GRAMD1B: variants seen among roughly 807,000 people sequenced by gnomAD.
The protein encoded by GRAMD1B is GRAM domain containing 1B, also known as protein Aster-B.
Under a neutral mutation model 99.7 loss-of-function variants are expected in GRAMD1B, and 37 were observed. The observed-to-expected ratio is 0.37, with a 90% CI of 0.29 to 0.49. GRAMD1B has a LOEUF of 0.49. GRAMD1B is among the 20% of genes least tolerant of loss of function. The probability of loss-of-function intolerance (pLI) is 0.98; values close to 1 mark genes in which losing one functional copy is unlikely to be tolerated. For missense variants in GRAMD1B, 888 were observed against 1,009.2 expected (o/e 0.88, Z 1.63); for synonymous variants, 427 against 387.6 (o/e 1.10, Z -1.19).
Position 123,383,478 on chromosome 11 carries a change from A to G in GRAMD1B, c.-176+24679A>G, listed in dbSNP as rs1298402391. Among the ~76,000 whole-genome samples, 5 of 152,196 alleles carry G rather than the reference A, an allele frequency of 3.3e-5. No homozygotes were observed. In the East Asian group the frequency reaches 9.6e-4, roughly 29 times the overall value. The stretch of plus-strand genomic sequence containing the variant: ...CTTGCAAGGTTGATATAAGAATTAA[A>G]GACTATGTATCTTTATCTGTGTCAG... On this transcript the variant is annotated intron_variant, in intron 1 of 20. Coordinates refer to the GRAMD1B transcript ENST00000638157.
intron 2 of GRAMD1B, among the ~76,000 whole-genome samples, chr11:123,497,145 A>G (rs2135112982): frequency 6.6e-6 from 1 of 152,320 alleles, no homozygotes; most frequent in East Asian, 1.9e-4. Flanking sequence ...CCCAAACCAA[A>G]TAATGTTGTG....
At chr11:123,550,231 T>C (rs1401190104) in intron 2 of GRAMD1B, among the ~76,000 whole-genome samples, 4 of 152,214 alleles carry the variant, frequency 2.6e-5, no homozygotes, top group African/African-American at 9.6e-5. Flanking sequence ...CTCCTGGGTC[T>C]TGTGTCCTGA....
intron 2 of GRAMD1B, among the ~76,000 whole-genome samples, chr11:123,516,420 C>T (rs1416684912): frequency 2.0e-5 from 3 of 152,204 alleles, no homozygotes; most frequent in Non-Finnish European, 2.9e-5. Flanking sequence ...TGTTTAAAGT[C>T]GAACTCATTA....
chr11:123,363,494 C>T (rs1946214161), intron 1 of GRAMD1B, among the ~76,000 whole-genome samples: 1 of 152,136 alleles, frequency 6.6e-6, no homozygotes, highest in South Asian at 2.1e-4. Flanking sequence ...GGCTTTTGGG[C>T]TTGTTAGTAG....
chr11:123,563,533 G>A (rs1565378514), intron 2 of GRAMD1B, among the ~76,000 whole-genome samples: 1 of 150,028 alleles, frequency 6.7e-6, no homozygotes, highest in Non-Finnish European at 1.5e-5. Flanking sequence ...TTTTTTTGAG[G>A]CAAGGCCTCA....
chr11:123,365,285 A>C (rs1946280684), intron 1 of GRAMD1B, among the ~76,000 whole-genome samples: 1 of 150,340 alleles, frequency 6.7e-6, no homozygotes, highest in Admixed American at 6.6e-5. Context: ...AGCGTCTCAC[A>C]CCGTTGCCCA....
chr11:123,513,515 T>TTTCCTTCCTTCCTTCC (rs58960047), intron 2 of GRAMD1B, among the ~76,000 whole-genome samples: 8 of 144,954 alleles, frequency 5.5e-5, no homozygotes, highest in African/African-American at 2.2e-4. Flanking sequence ...TCTTTCTTTC[T>TTTCCTTCCTTCCTTCC]TTCCTTCCTT....
chr11:123,539,119 G>T (rs1051276928), intron 2 of GRAMD1B, among the ~76,000 whole-genome samples: 5 of 152,086 alleles, frequency 3.3e-5, no homozygotes, highest in Non-Finnish European at 5.9e-5. Context: ...CAGCTACTCG[G>T]CAGGCCAAGG....
chr11:123,391,700 C>T (rs1947287297), intron 1 of GRAMD1B, among the ~76,000 whole-genome samples: 1 of 152,190 alleles, frequency 6.6e-6, no homozygotes, highest in Non-Finnish European at 1.5e-5. Context: ...AATTGATCCG[C>T]CCACCTTGGC....
chr11:123,421,495 T>C (rs1237905803), intron 1 of GRAMD1B, among the ~76,000 whole-genome samples: 1 of 152,266 alleles, frequency 6.6e-6, no homozygotes, highest in Non-Finnish European at 1.5e-5. Flanking sequence ...TTTGTGATCT[T>C]GGTCTAAGAT....
At chr11:123,600,155 C>A (rs1951774336) in intron 7 of GRAMD1B, among the ~76,000 whole-genome samples, 1 of 152,186 alleles carries the variant, frequency 6.6e-6, no homozygotes, top group Admixed American at 6.5e-5. Context: ...TCACCCCTTA[C>A]CCAGTTCCAG....
intron 2 of GRAMD1B, among the ~76,000 whole-genome samples, chr11:123,517,003 T>G (rs1030237087): frequency 1.3e-5 from 2 of 152,222 alleles, no homozygotes; most frequent in African/African-American, 4.8e-5. Flanking sequence ...CACTGCACCC[T>G]CCACCTTCTG....
chr11:123,574,450 CTATT>C (rs1948498411), intron 2 of GRAMD1B, among the ~76,000 whole-genome samples: 2 of 152,156 alleles, frequency 1.3e-5, no homozygotes, highest in South Asian at 4.2e-4. Context: ...ACTCAACTGG[CTATT>C]TATTGGAAGA....
intron 2 of GRAMD1B, among the ~76,000 whole-genome samples, chr11:123,526,504 C>T (rs1016736660): frequency 2.0e-5 from 3 of 152,152 alleles, no homozygotes; most frequent in Non-Finnish European, 2.9e-5. Flanking sequence ...AAAGAAACAT[C>T]CCTTCCCTTT....
Position 123,497,836 on chromosome 11 carries a change from G to T in GRAMD1B, c.452+16943G>T, listed in dbSNP as rs541370562. On this transcript the variant is annotated intron_variant, in intron 2 of 19. Coordinates refer to ENST00000635736, the MANE Select transcript of GRAMD1B (RefSeq NM_001387025.1). ...GAATCGCTTGAACCCGGGAGGCAGA[G>T]GTTGCAGTGAGCCAAGATTTCGCCA... is the stretch of plus-strand genomic sequence containing the variant. Among the ~76,000 whole-genome samples, 333 of 150,486 alleles carry T rather than the reference G, an allele frequency of 2.2e-3. 2 individuals are homozygous for T. Among genetic ancestry groups the T allele is most frequent in the African/African-American group, 7.0e-3 (286 of 40,760 alleles).
intron 1 of GRAMD1B, among the ~76,000 whole-genome samples, chr11:123,379,003 T>C (rs1946782774): frequency 6.6e-6 from 1 of 152,118 alleles, no homozygotes; most frequent in South Asian, 2.1e-4. Flanking sequence ...GCAGGGCATG[T>C]GGAGTTGTAC....
intron 8 of GRAMD1B, among the ~76,000 whole-genome samples, chr11:123,603,119 A>G (rs974593560): frequency 2.6e-5 from 4 of 152,202 alleles, no homozygotes; most frequent in African/African-American, 9.6e-5. Context: ...GACCTTTTCC[A>G]TAAGAGCAAA....
chr11:123,622,562 G>A lies in GRAMD1B; in HGVS notation c.2601G>A (p.Ser867=), dbSNP rs770731981. The A allele has an allele frequency of 1.5e-5, 23 of 1,556,942 alleles. 1 individual carries two copies. Among genetic ancestry groups the A allele is most frequent in the African/African-American group, 6.8e-5 (5 of 73,158 alleles). The change falls in exon 20 of 20, where the codon TCG becomes TCA. Residue 867 remains serine (S), a synonymous_variant. Coordinates refer to ENST00000635736, the MANE Select transcript of GRAMD1B (RefSeq NM_001387025.1). The part of the protein sequence containing the change: ...QNGIRSRDYT[S]ESEEKRNRYH ...GCATCAGGTCCCGCGACTACACGTCGGAAAGTGAAGAAAAGAGGAATCGCT... is the reference window on the plus strand; with the variant it reads ...GCATCAGGTCCCGCGACTACACGTCAGAAAGTGAAGAAAAGAGGAATCGCT...
chr11:123,602,186 A>G (rs1473042241), intron 8 of GRAMD1B, among the ~76,000 whole-genome samples: 1 of 152,112 alleles, frequency 6.6e-6, no homozygotes, highest in African/African-American at 2.4e-5. Context: ...AGGGCCCCAA[A>G]TCTGCCATTC....
Sources: allele counts gnomAD v4.1 joint callset (sites outside exome capture counted in the v4.1 genomes callset), GRCh38; gene constraint gnomAD v4.1.1; transcripts MANE v1.5; gene names NCBI Gene and HGNC (gene_info 2026-07-23, HGNC 2026-07-21).